The following ULK4 variants were observed in gnomAD, a reference collection of about 807,000 sequenced individuals.
ULK4 encodes unc-51 like kinase 4, also known as inactive serine/threonine-protein kinase ULK4.
ULK4 carries 133 observed loss-of-function variants against 160.6 expected under a neutral mutation model. That is an observed-to-expected ratio of 0.83 (90% CI 0.72 to 0.96). The LOEUF is 0.96. Ranked by LOEUF, ULK4 falls within the 40% of genes least tolerant of loss-of-function variation. The pLI is 0.00. For missense variants in ULK4, 1,580 were observed against 1,499.5 expected (o/e 1.05, Z -0.89); for synonymous variants, 534 against 539.8 (o/e 0.99, Z 0.15).
At chr3:41,873,228 T>C (rs1378152791) in intron 17 of ULK4, among the ~76,000 whole-genome samples, 2 of 127,952 alleles carry the variant, frequency 1.6e-5, no homozygotes, top group East Asian at 2.0e-4. Context: ...GCCTTTCTTT[T>C]TTTTTTTTTT....
intron 30 of ULK4, among the ~76,000 whole-genome samples, chr3:41,631,779 C>A (rs967732227): frequency 2.6e-5 from 4 of 151,964 alleles, no homozygotes; most frequent in South Asian, 4.2e-4. Context: ...GATCTCCATA[C>A]AGTGTGCAGG....
chr3:41,287,639 C>T (rs1013053274), intron 35 of ULK4, among the ~76,000 whole-genome samples: 1 of 152,130 alleles, frequency 6.6e-6, no homozygotes, highest in Non-Finnish European at 1.5e-5. Flanking sequence ...TAAAACCCTC[C>T]GGGAGTTTGA....
chr3:41,731,382 T>A (rs1010134924), intron 22 of ULK4, among the ~76,000 whole-genome samples: 3 of 151,904 alleles, frequency 2.0e-5, no homozygotes, highest in Non-Finnish European at 4.4e-5. Context: ...AGCAATACCA[T>A]TTATAAGTTA....
chr3:41,427,905 T>C (rs963088126), intron 34 of ULK4, among the ~76,000 whole-genome samples: 2 of 152,150 alleles, frequency 1.3e-5, no homozygotes, highest in Admixed American at 6.5e-5. Flanking sequence ...AGCATAGTAC[T>C]AGAAGTTCTG....
chr3:41,928,908 G>A (rs1310636672), intron 5 of ULK4, among the ~76,000 whole-genome samples: 5 of 152,104 alleles, frequency 3.3e-5, no homozygotes, highest in South Asian at 4.1e-4. Flanking sequence ...TCGACCGGAG[G>A]TACAAAGAGG....
At chr3:41,898,697 A>G (rs1243720115) in intron 13 of ULK4, among the ~76,000 whole-genome samples, 2 of 152,248 alleles carry the variant, frequency 1.3e-5, no homozygotes, top group African/African-American at 4.8e-5. Context: ...TTCAATTGAT[A>G]TCTGTAATAA....
At chr3:41,884,752 G>A (rs1388672948) in intron 16 of ULK4, among the ~76,000 whole-genome samples, 2 of 152,134 alleles carry the variant, frequency 1.3e-5, no homozygotes, top group African/African-American at 2.4e-5. Context: ...GTACTACAGG[G>A]AAAATGTCTG....
chr3:41,936,535 G>A (rs1398443472), intron 3 of ULK4, among the ~76,000 whole-genome samples: 1 of 152,096 alleles, frequency 6.6e-6, no homozygotes, highest in East Asian at 1.9e-4. Flanking sequence ...ATCAACAGAT[G>A]AATGGATAAA....
chr3:41,738,554 T>C (rs2038132315), intron 22 of ULK4, among the ~76,000 whole-genome samples: 1 of 151,866 alleles, frequency 6.6e-6, no homozygotes, highest in Non-Finnish European at 1.5e-5. Context: ...CCTCAGGAAA[T>C]ATCAGCAGTG....
At chr3:41,630,695 A>G (rs1012857425) in intron 30 of ULK4, among the ~76,000 whole-genome samples, 1 of 152,210 alleles carries the variant, frequency 6.6e-6, no homozygotes, top group Non-Finnish European at 1.5e-5. Flanking sequence ...GAAATCTCCA[A>G]GGCCATCTTG....
chr3:41,742,201 G>T (rs1322789892), intron 22 of ULK4, among the ~76,000 whole-genome samples: 1 of 151,848 alleles, frequency 6.6e-6, no homozygotes, highest in Admixed American at 6.6e-5. Context: ...CCTCAACTGA[G>T]AAGTACAGGC....
intron 32 of ULK4, among the ~76,000 whole-genome samples, chr3:41,523,560 A>AT (rs1272936364): frequency 6.6e-5 from 10 of 152,260 alleles, no homozygotes; most frequent in African/African-American, 2.4e-4. Context: ...ATTTTTATGG[A>AT]TTTTTTTAAA....
chr3:41,416,996 T>TGGTACA (rs1320432486), intron 34 of ULK4, among the ~76,000 whole-genome samples: 2 of 152,160 alleles, frequency 1.3e-5, no homozygotes, highest in African/African-American at 4.8e-5. Flanking sequence ...ACCAAAAGGA[T>TGGTACA]GCCATGGTAC....
intron 29 of ULK4, among the ~76,000 whole-genome samples, chr3:41,679,814 G>C (rs551516487): frequency 6.6e-6 from 1 of 152,188 alleles, no homozygotes; most frequent in Non-Finnish European, 1.5e-5. Flanking sequence ...AGACATCTCA[G>C]GTCCTGAAAA....
At chr3:41,614,811 T>G (rs2032879456) in intron 31 of ULK4, among the ~76,000 whole-genome samples, 1 of 152,206 alleles carries the variant, frequency 6.6e-6, no homozygotes, top group African/African-American at 2.4e-5. Context: ...TTAAGGAAAG[T>G]TGATTTCCCA....
intron 19 of ULK4, among the ~76,000 whole-genome samples, chr3:41,807,970 C>A (rs1471075333): frequency 2.0e-5 from 3 of 152,190 alleles, no homozygotes. Flanking sequence ...TCTTCCCCAT[C>A]CGCCCTTGGG....
chr3:41,696,624 T>G (rs2036511008), intron 27 of ULK4, among the ~76,000 whole-genome samples: 1 of 152,114 alleles, frequency 6.6e-6, no homozygotes. Context: ...TACAATCTCT[T>G]GCCTCCACAC....
At chr3:41,720,779 T>C (rs962394051) in intron 22 of ULK4, among the ~76,000 whole-genome samples, 1 of 152,170 alleles carries the variant, frequency 6.6e-6, no homozygotes, top group African/African-American at 2.4e-5. Flanking sequence ...CTCTAGTTCA[T>C]TGCTGTTGGA....
At chr3:41,613,762 T>C (rs1476000296) in intron 31 of ULK4, among the ~76,000 whole-genome samples, 2 of 152,362 alleles carry the variant, frequency 1.3e-5, no homozygotes, top group East Asian at 1.9e-4. Flanking sequence ...AAGCAGTGAT[T>C]TCCAACACTT....
Sources: allele counts gnomAD v4.1 joint callset (sites outside exome capture counted in the v4.1 genomes callset), GRCh38; gene constraint gnomAD v4.1.1; transcripts MANE v1.5; gene names NCBI Gene and HGNC (gene_info 2026-07-23, HGNC 2026-07-21).